CCDC9: variants seen among roughly 807,000 people sequenced by gnomAD.
CCDC9 encodes the protein coiled-coil domain-containing protein 9.
A neutral mutation model predicts 65.6 loss-of-function variants in CCDC9; 52 were observed. The ratio of observed to expected loss-of-function variants is 0.79; its 90% CI spans 0.63 to 1.00. The LOEUF (loss-of-function observed/expected upper bound fraction) is 1.00. Among genes scored for constraint, CCDC9 ranks in the 50% least tolerant of loss-of-function variants. The pLI is 0.00. For missense variants in CCDC9, 834 were observed against 757.2 expected (o/e 1.10, Z -1.19); for synonymous variants, 332 against 280.3 (o/e 1.18, Z -1.84).
chr19:47,258,802 C>T (rs1044422296), intron 3 of CCDC9, 139 bp downstream of exon 3: 4 of 648,512 alleles, frequency 6.2e-6, no homozygotes, highest in South Asian at 1.8e-5. Flanking sequence ...CCTGACATCC[C>T]TTCTTTCATT....
intron 4 of CCDC9, 78 bp from the exon 5 acceptor site, chr19:47,260,510 C>T (rs1017957529): frequency 6.3e-7 from 1 of 1,592,774 alleles, no homozygotes; most frequent in East Asian, 2.2e-5. Flanking sequence ...AGCTGTCCTG[C>T]ACCAGTGGGT....
Position 47,266,613 on chromosome 19 carries a change from C to A in CCDC9, c.723C>A (p.Gly241=). Residue 241 remains glycine (G), a splice_region_variant and synonymous_variant, in exon 8 of 12, where the codon GGC becomes GGA. Coordinates refer to ENST00000221922, the MANE Select transcript of CCDC9 (RefSeq NM_015603.3). ...VRCGLEHERQ[G]RRAGLGSAGD... ...ACTCCCTGTGGGCTGGGGGGCAGGG[C>A]CGCCGAGCTGGCCTGGGCAGTGCTG... 6.5e-7 allele frequency: 1 copy of A among 1,528,338 alleles called. No individual in the cohort carries two copies. Among genetic ancestry groups the A allele is most frequent in the Admixed American group, 2.0e-5 (1 of 49,802 alleles). 94.7% of individuals were successfully genotyped at this position (1,528,338 alleles called of 1,614,324 possible).
chr19:47,258,165 A>G (rs1218319028), intron 1 of CCDC9, 165 bp from the exon 2 acceptor site: 16 of 589,544 alleles, frequency 2.7e-5, no homozygotes, highest in Admixed American at 1.2e-4. Flanking sequence ...CTGAATTTCT[A>G]TGGAGAAGAT....
At chr19:47,274,081 C>G, downstream of CCDC9, 5 of 682,022 alleles carry the variant, frequency 7.3e-6, no homozygotes, top group Non-Finnish European at 9.0e-6. Context: ...CTTTCTACCC[C>G]AGAGCCTAGT....
downstream of CCDC9, chr19:47,274,070 T>A: frequency 1.3e-6 from 1 of 747,180 alleles, no homozygotes. Flanking sequence ...CAGGCTGTGT[T>A]CTTTCTACCC....
intron 8 of CCDC9, 30 bp from the exon 9 acceptor site, chr19:47,270,377 C>T (rs2059108056): frequency 6.2e-7 from 1 of 1,612,466 alleles, no homozygotes; most frequent in African/African-American, 1.3e-5. Context: ...GTTCCCCCAG[C>T]TGCCCGCTCA....
chr19:47,272,830 G>T (rs2059131957), downstream of CCDC9, among the ~76,000 whole-genome samples: 1 of 152,146 alleles, frequency 6.6e-6, no homozygotes, highest in African/African-American at 2.4e-5. Flanking sequence ...CGAAGTGCGA[G>T]CAAGAGGCCA....
rs993820245 is a variant in CCDC9 at position 47,264,599 on chromosome 19, C to A, written c.463-4C>A. The A allele has an allele frequency of 2.5e-6, 4 of 1,590,916 alleles. No homozygotes were observed. The highest frequency in any genetic ancestry group is 1.1e-5 in the South Asian group (1 of 87,424). ...GCTGGGTGTCCCTATCTTTATCCCC[C>A]CAGGAGTGGGAGGAGCGGCGCAGGC... On this transcript the variant is annotated splice_polypyrimidine_tract_variant and splice_region_variant and intron_variant, in intron 5 of 11. Transcript: ENST00000221922.
intron 8 of CCDC9, among the ~76,000 whole-genome samples, chr19:47,269,047 A>G (rs139903198): frequency 4.6e-5 from 7 of 152,190 alleles, no homozygotes; most frequent in Non-Finnish European, 8.8e-5. Flanking sequence ...GGAGGTTTGC[A>G]GTGAGCTGTT....
At chr19:47,261,468 G>T (rs1432129548) in intron 5 of CCDC9, among the ~76,000 whole-genome samples, 2 of 152,146 alleles carry the variant, frequency 1.3e-5, no homozygotes, top group Non-Finnish European at 2.9e-5. Context: ...GACATGGGTT[G>T]AATCTGGTTC....
At chr19:47,271,996 C>T, downstream of CCDC9, 1 of 1,244,722 alleles carries the variant, frequency 8.0e-7, no homozygotes, top group African/African-American at 1.5e-5. Flanking sequence ...TTCAACTCCC[C>T]CTGGGCCTTC....
At chr19:47,259,132 C>T (rs1008049669) in intron 3 of CCDC9, among the ~76,000 whole-genome samples, 5 of 152,204 alleles carry the variant, frequency 3.3e-5, no homozygotes, top group South Asian at 4.1e-4. Context: ...GTTGAAAAGG[C>T]GAGGGGAACA....
chr19:47,273,943 G>A, downstream of CCDC9: 2 of 982,600 alleles, frequency 2.0e-6, no homozygotes, highest in Non-Finnish European at 2.4e-6. Context: ...CTTCTGATCC[G>A]TCTTCCCTCC....
At chr19:47,264,718 C>T (rs369117321) in intron 6 of CCDC9, 32 bp downstream of exon 6, 36 of 1,601,966 alleles carry the variant, frequency 2.2e-5, no homozygotes, top group African/African-American at 5.3e-5. Context: ...GAGGCAGGGC[C>T]GAGCTGCCTG....
chr19:47,268,157 C>T (rs771548029), intron 8 of CCDC9, among the ~76,000 whole-genome samples: 1 of 152,008 alleles, frequency 6.6e-6, no homozygotes, highest in Non-Finnish European at 1.5e-5. Flanking sequence ...CCACCACCTT[C>T]TTAACCCAGT....
Position 47,260,345 on chromosome 19 carries a change from G to A in CCDC9, c.133G>A (p.Ala45Thr). The change falls in exon 4 of 12, where the codon GCT becomes ACT. Residue 45 changes from alanine (A) to threonine (T), a missense_variant. By Grantham distance (58) the Ala-to-Thr change is moderately conservative (BLOSUM62 0). Coordinates refer to ENST00000221922, the MANE Select transcript of CCDC9 (RefSeq NM_015603.3). ...YQEIEEDRKK[A>T]ELEGVAVTAP... ...GGAGATTGAGGAAGACCGTAAGAAA[G>A]CTGAACTTGAGGGAGTCGCAGTCAC... 5 of 1,597,588 alleles carry A rather than the reference G, an allele frequency of 3.1e-6. No homozygotes were observed. The highest frequency in any genetic ancestry group is 3.4e-6 in the Non-Finnish European group (4 of 1,171,876).
Position 47,258,551 on chromosome 19 carries a change from G to C in CCDC9, c.4-8G>C, listed in dbSNP as rs202021250. ...TCCTTCCATCCCTCAACTGCCTCCC[G>C]GTCTCAGGCAGCCACACTCGATTTG... On this transcript the variant is annotated splice_polypyrimidine_tract_variant and splice_region_variant and intron_variant, in intron 2 of 11. Coordinates refer to ENST00000221922, the MANE Select transcript of CCDC9 (RefSeq NM_015603.3). The C allele has an allele frequency of 1.4e-5, 22 of 1,612,318 alleles. No individual in the cohort carries two copies. In the African/African-American group the frequency reaches 2.8e-4, roughly 21 times the overall value.
chr19:47,258,652 C>T lies in CCDC9; in HGVS notation c.97C>T (p.Arg33Trp), dbSNP rs768394363. 22 of 1,613,700 alleles carry T rather than the reference C, an allele frequency of 1.4e-5. No homozygotes were observed. The highest frequency in any genetic ancestry group is 1.7e-5 in the Non-Finnish European group (20 of 1,179,714). The change falls in exon 3 of 12, where the codon CGG (arginine) becomes TGG (tryptophan). Residue 33 changes from arginine (R) to tryptophan (W), a missense_variant. Transcript: ENST00000221922. ...ALRRKNEALI[R>W]RYQEIEEDRK... ...TCGGCGGAAGAATGAGGCCCTCATC[C>T]GGCGCTACCAGGTGCCCTAGCCCCG...
chr19:47,275,369 C>T (rs528139976), downstream of CCDC9: 2 of 1,532,104 alleles, frequency 1.3e-6, no homozygotes, highest in Non-Finnish European at 1.8e-6. Flanking sequence ...CACCCCAACC[C>T]GGATCGCCAG....
Sources: gnomAD v4.1 joint callset for allele counts (sites outside exome capture counted in the v4.1 genomes callset) on GRCh38, gnomAD v4.1.1 for gene constraint, MANE v1.5 for transcripts, NCBI Gene and HGNC (gene_info 2026-07-23, HGNC 2026-07-21) for gene names.